LGSN: variants seen among roughly 807,000 people sequenced by gnomAD.
The protein encoded by LGSN is lengsin.
In LGSN, 21 loss-of-function variants were observed where a neutral mutation model predicts 19.5. That is an observed-to-expected ratio of 1.07 (90% CI 0.76 to 1.55). The LOEUF (loss-of-function observed/expected upper bound fraction) is 1.55. Ranked by LOEUF, LGSN falls within the 40% of genes most tolerant of loss-of-function variation. The pLI is 0.00. For synonymous variants in LGSN, 257 were observed against 215.6 expected (o/e 1.19, Z -1.68); for missense variants, 673 against 608.5 (o/e 1.11, Z -1.12).
At chr6:63,409,320 A>C in the LGSN span, among the ~76,000 whole-genome samples, 1 of 152,230 alleles carries the variant, frequency 6.6e-6, no homozygotes, top group Admixed American at 6.5e-5. Flanking sequence ...AGATATATTA[A>C]TAACCACAAA....
chr6:63,286,608 G>A (rs1468975523), intron 2 of LGSN, among the ~76,000 whole-genome samples: 1 of 152,156 alleles, frequency 6.6e-6, no homozygotes, highest in Non-Finnish European at 1.5e-5. Flanking sequence ...TTTGATTCAT[G>A]CTGGGTGGCT....
the LGSN span, among the ~76,000 whole-genome samples, chr6:63,451,255 A>G: frequency 6.6e-6 from 1 of 152,230 alleles, no homozygotes; most frequent in Admixed American, 6.5e-5. Flanking sequence ...TCAAAGGAAT[A>G]TAAATCATTC....
At chr6:63,363,081 C>T in the LGSN span, among the ~76,000 whole-genome samples, 1 of 152,224 alleles carries the variant, frequency 6.6e-6, no homozygotes, top group East Asian at 1.9e-4. Flanking sequence ...CCCAGGCAAA[C>T]AGGGTCTGGA....
chr6:63,350,681 C>T, the LGSN span, among the ~76,000 whole-genome samples: 2 of 151,954 alleles, frequency 1.3e-5, no homozygotes, highest in Non-Finnish European at 2.9e-5. Context: ...GTGAAACGCT[C>T]TCTCTACTAA....
chr6:63,473,974 C>T, the LGSN span, among the ~76,000 whole-genome samples: 1 of 150,356 alleles, frequency 6.7e-6, no homozygotes, highest in Middle Eastern at 3.4e-3. Flanking sequence ...TTTATTTTCA[C>T]AATGTGCTGA....
the LGSN span, among the ~76,000 whole-genome samples, chr6:63,501,217 C>CA: frequency 6.6e-6 from 1 of 151,782 alleles, no homozygotes; most frequent in South Asian, 2.1e-4. Flanking sequence ...ATTAAAAATA[C>CA]AAAAAATTAG....
the LGSN span, among the ~76,000 whole-genome samples, chr6:63,541,553 A>G: frequency 6.6e-6 from 1 of 152,260 alleles, no homozygotes; most frequent in Non-Finnish European, 1.5e-5. Context: ...AAGAAAAACA[A>G]TTTAAGTCTG....
chr6:63,340,493 CT>C, the LGSN span, among the ~76,000 whole-genome samples: 2 of 151,914 alleles, frequency 1.3e-5, no homozygotes, highest in African/African-American at 4.8e-5. Context: ...GACTGGGTTA[CT>C]TCAGACCTGT....
chr6:63,410,045 T>A, the LGSN span, among the ~76,000 whole-genome samples: 1 of 151,884 alleles, frequency 6.6e-6, no homozygotes, highest in African/African-American at 2.4e-5. Context: ...TCAAAAAAAT[T>A]AAAATAAAAT....
chr6:63,523,259 A>G, the LGSN span, among the ~76,000 whole-genome samples: 1 of 152,132 alleles, frequency 6.6e-6, no homozygotes, highest in African/African-American at 2.4e-5. Flanking sequence ...ACTATTATGT[A>G]CTTTCTCAGG....
At chr6:63,318,261 T>G (rs1048998439) in intron 1 of LGSN, among the ~76,000 whole-genome samples, 13 of 152,202 alleles carry the variant, frequency 8.5e-5, no homozygotes, top group Non-Finnish European at 2.9e-5. Flanking sequence ...ATACACAATC[T>G]GCCCTTCGGA....
Position 63,279,411 on chromosome 6 carries a change from C to A in LGSN, c.*610G>T, listed in dbSNP as rs963142603. The A allele has an allele frequency of 2.6e-5, 4 of 152,226 alleles. No homozygotes were observed. Among genetic ancestry groups the A allele is most frequent in the Admixed American group, 1.3e-4 (2 of 15,268 alleles). 9.4% of individuals were successfully genotyped at this position (152,226 alleles called of 1,614,324 possible). Reference sequence around the variant, plus strand: ...TTGAGGACATTATAACCTTGAAGTTCATAAGCTTTTCAGGAGCTAGTGGAG... The same window carrying A: ...TTGAGGACATTATAACCTTGAAGTTAATAAGCTTTTCAGGAGCTAGTGGAG... On this transcript the variant is annotated 3_prime_UTR_variant, in exon 4 of 4. Coordinates refer to ENST00000370657, the MANE Select transcript of LGSN (RefSeq NM_016571.3).
chr6:63,523,188 T>TAC, the LGSN span, among the ~76,000 whole-genome samples: 177 of 152,266 alleles, frequency 1.2e-3, 1 homozygote, highest in African/African-American at 3.9e-3. Flanking sequence ...TATTTTTTTT[T>TAC]ACATCACTCT....
chr6:63,512,428 C>T, the LGSN span, among the ~76,000 whole-genome samples: 1 of 152,168 alleles, frequency 6.6e-6, no homozygotes, highest in Non-Finnish European at 1.5e-5. Context: ...AAGCCTTATC[C>T]TTCATTGCTG....
chr6:63,493,564 A>G, the LGSN span, among the ~76,000 whole-genome samples: 1 of 152,224 alleles, frequency 6.6e-6, no homozygotes, highest in East Asian at 1.9e-4. Flanking sequence ...GGAAACACTG[A>G]GTTATTGTGT....
chr6:63,385,621 C>T, the LGSN span, among the ~76,000 whole-genome samples: 1 of 152,120 alleles, frequency 6.6e-6, no homozygotes, highest in Admixed American at 6.5e-5. Flanking sequence ...TAAGTTTTGC[C>T]TCCAACCCGT....
chr6:63,377,342 A>G, the LGSN span, among the ~76,000 whole-genome samples: 2 of 152,226 alleles, frequency 1.3e-5, no homozygotes, highest in Admixed American at 1.3e-4. Context: ...GTAACCATCA[A>G]CTGCATGCCC....
the LGSN span, among the ~76,000 whole-genome samples, chr6:63,484,368 T>A: frequency 6.6e-6 from 1 of 151,566 alleles, no homozygotes; most frequent in Admixed American, 6.6e-5. Context: ...AAAAATAATT[T>A]AAAAATAACC....
At chr6:63,424,286 G>T in the LGSN span, among the ~76,000 whole-genome samples, 1 of 151,700 alleles carries the variant, frequency 6.6e-6, no homozygotes, top group Non-Finnish European at 1.5e-5. Flanking sequence ...ATATGAAAAG[G>T]ATCACTTGAG....
Sources: gnomAD v4.1 joint callset for allele counts (sites outside exome capture counted in the v4.1 genomes callset) on GRCh38, gnomAD v4.1.1 for gene constraint, MANE v1.5 for transcripts, NCBI Gene and HGNC (gene_info 2026-07-23, HGNC 2026-07-21) for gene names.